Variants in JAK1 observed in about 807,000 individuals in gnomAD.
JAK1 encodes Janus kinase 1, also known as tyrosine-protein kinase JAK1.
In JAK1, 16 loss-of-function variants were observed where a neutral mutation model predicts 136.6. That is an observed-to-expected ratio of 0.12 (90% CI 0.08 to 0.18). The LOEUF (loss-of-function observed/expected upper bound fraction) is 0.18. JAK1 is among the 10% of genes least tolerant of loss of function. The pLI is 1.00. For missense variants in JAK1, 859 were observed against 1,450.1 expected, an observed-to-expected ratio of 0.59 and a Z score of 6.62; for synonymous variants, 492 against 519.5, an observed-to-expected ratio of 0.95 and a Z score of 0.72.
chr1:64,934,108 A>G (rs1221258912), intron 1 of JAK1, among the ~76,000 whole-genome samples: 2 of 149,620 alleles, frequency 1.3e-5, no homozygotes, highest in East Asian at 3.9e-4. Flanking sequence ...GGGACAGGGT[A>G]TCTTAGGAAG....
chr1:64,847,931 GA>G, intron 12 of JAK1: 1 of 473,358 alleles, frequency 2.1e-6, no homozygotes, highest in Non-Finnish European at 3.8e-6. Context: ...CTACCCCTAG[GA>G]ACAGCCTTTG....
intron 1 of JAK1, among the ~76,000 whole-genome samples, chr1:64,936,434 G>A (rs1645790367): frequency 6.6e-6 from 1 of 152,186 alleles, no homozygotes. Context: ...AAGTATCCTT[G>A]TTAAACCTCT....
chr1:65,026,036 C>T (rs1230448564), intron 2 of JAK1, among the ~76,000 whole-genome samples: 1 of 152,138 alleles, frequency 6.6e-6, no homozygotes, highest in Non-Finnish European at 1.5e-5. Flanking sequence ...ATTCCAGCAT[C>T]ATAGGTTGGT....
At chr1:64,839,526 G>GCCTGTTTTGCACTGGCCTTTATGAC in intron 20 of JAK1, 77 bp downstream of exon 20, 1 of 1,282,788 alleles carries the variant, frequency 7.8e-7, no homozygotes. Flanking sequence ...GCCACGGAGT[G>GCCTGTTTTGCACTGGCCTTTATGAC]CCTGTTTTGC....
chr1:64,921,118 G>A (rs1172392371), intron 1 of JAK1, among the ~76,000 whole-genome samples: 4 of 152,028 alleles, frequency 2.6e-5, no homozygotes, highest in South Asian at 2.1e-4. Context: ...ACTCATAAGC[G>A]TGCATGACTC....
intron 2 of JAK1, among the ~76,000 whole-genome samples, chr1:65,004,719 CAAT>C (rs1404059299): frequency 6.6e-6 from 1 of 152,120 alleles, no homozygotes; most frequent in Admixed American, 6.6e-5. Flanking sequence ...GGTGTTTCCA[CAAT>C]AATAATTACA....
intron 1 of JAK1, among the ~76,000 whole-genome samples, chr1:64,903,316 C>T (rs1018340072): frequency 8.5e-5 from 13 of 152,164 alleles, no homozygotes; most frequent in Non-Finnish European, 1.6e-4. Context: ...TGTAAGCCAC[C>T]GCATCTGGCC....
chr1:64,836,011 C>A, intron 23 of JAK1, 87 bp downstream of exon 23: 1 of 740,538 alleles, frequency 1.4e-6, no homozygotes, highest in Admixed American at 2.2e-5. Context: ...CATTGGATTC[C>A]ATTTAAAAAC....
rs563978903 is a variant in JAK1 at position 64,844,677 on chromosome 1, A to G, written c.2251+77T>C. 1 of 1,574,826 alleles carries G rather than the reference A, an allele frequency of 6.3e-7. No homozygotes were observed. The highest frequency in any genetic ancestry group is 1.7e-5 in the Admixed American group (1 of 58,606). Reference sequence around the variant, plus strand: ...AAAATGACTCTCTAAAAGGAGACCAACCCCAGCCCAGCCCTTCTCTCTGCT... The same window carrying G: ...AAAATGACTCTCTAAAAGGAGACCAGCCCCAGCCCAGCCCTTCTCTCTGCT... On this transcript the variant is annotated intron_variant, in intron 16 of 24. Transcript: ENST00000342505. The surrounding 1 kb of genome is among the most constrained non-coding windows in gnomAD (Gnocchi z 5.7).
rs192578851 is a variant in JAK1 at position 64,867,320 on chromosome 1, T to C, written c.648-112A>G. ...CATGTTGCCAAATGGGAAAGGGAGA[T>C]CTATTCCCAGAGGACGTTAGATGGA... On this transcript the variant is annotated intron_variant, in intron 6 of 24. Transcript: ENST00000342505. The C allele has an allele frequency of 5.4e-6, 4 of 734,348 alleles. No homozygotes were observed. The East Asian group carries it at 8.0e-5, about 15-fold the overall frequency. The allele number at this position is 734,348 out of a possible 1,614,324, so 45.5% of individuals were successfully genotyped here.
intron 7 of JAK1, among the ~76,000 whole-genome samples, chr1:64,865,907 G>A (rs1237240312): frequency 1.3e-5 from 2 of 151,932 alleles, no homozygotes; most frequent in South Asian, 2.1e-4. Flanking sequence ...CCACAGGCAC[G>A]TGCCACCACA....
At chr1:64,983,103 A>T (rs1646564478) in intron 2 of JAK1, among the ~76,000 whole-genome samples, 1 of 152,212 alleles carries the variant, frequency 6.6e-6, no homozygotes, top group South Asian at 2.1e-4. Flanking sequence ...GAGATGTGTA[A>T]GCACCAAGAA....
In JAK1 at chr1:65,035,455, AG is replaced by A. The variant is rs35629207; in HGVS notation, c.-78+9024del. ...TGGAAAAGGTATGAACTTGGAGTTG[AG>A]GAGACTTGACCTTCAGTGCTGACTC... On this transcript the variant is annotated intron_variant, in intron 2 of 25. Coordinates refer to the JAK1 transcript ENST00000671954. Among the ~76,000 whole-genome samples, 480 of 152,334 alleles carry A rather than the reference AG, an allele frequency of 3.2e-3. 2 individuals carry two copies. The highest frequency in any genetic ancestry group is 0.011 in the African/African-American group (449 of 41,578).
intron 1 of JAK1, among the ~76,000 whole-genome samples, chr1:64,909,860 G>A (rs919094062): frequency 6.6e-6 from 1 of 151,988 alleles, no homozygotes; most frequent in South Asian, 2.1e-4. Flanking sequence ...TAAGACAGGC[G>A]CTTGCTCTTA....
chr1:64,928,809 A>C (rs1230401709), intron 1 of JAK1, among the ~76,000 whole-genome samples: 3 of 143,860 alleles, frequency 2.1e-5, no homozygotes, highest in East Asian at 2.2e-4. Context: ...AAAAAAAAAA[A>C]CTCTGCAAAA....
chr1:64,871,037 G>A (rs1430622201), intron 5 of JAK1, among the ~76,000 whole-genome samples: 1 of 152,110 alleles, frequency 6.6e-6, no homozygotes. Flanking sequence ...TTACACCTCT[G>A]CTCCCGGGAA....
rs1656206191 is a variant in JAK1, at chr1:64,860,277, G to A, written c.1177-15C>T. 6.3e-7 allele frequency: 1 copy of A among 1,593,856 alleles called. No homozygotes were observed. Among genetic ancestry groups the A allele is most frequent in the Non-Finnish European group, 8.6e-7 (1 of 1,168,074 alleles). On this transcript the variant is annotated splice_polypyrimidine_tract_variant and intron_variant, in intron 8 of 24. Coordinates refer to ENST00000342505, the MANE Select transcript of JAK1 (RefSeq NM_002227.4). ...AGCTTCAGTTCCTGTTGAGAGAGAA[G>A]AAATTCCCACGGTTACATCATGTCT...
At chr1:64,952,978 G>A (rs1409839630) in intron 1 of JAK1, among the ~76,000 whole-genome samples, 1 of 152,190 alleles carries the variant, frequency 6.6e-6, no homozygotes, top group Non-Finnish European at 1.5e-5. Flanking sequence ...AGCTATGACT[G>A]ATCATAAGCC....
chr1:64,893,215 G>A (rs941529826), intron 1 of JAK1, among the ~76,000 whole-genome samples: 1 of 152,156 alleles, frequency 6.6e-6, no homozygotes, highest in Non-Finnish European at 1.5e-5. Flanking sequence ...TATGCAGACA[G>A]GAAGAATCTT....
Sources: allele counts gnomAD v4.1 joint callset (sites outside exome capture counted in the v4.1 genomes callset), GRCh38; gene constraint gnomAD v4.1.1; non-coding constraint Gnocchi (gnomAD v3.1); transcripts MANE v1.5; gene names NCBI Gene and HGNC (gene_info 2026-07-23, HGNC 2026-07-21).